Variants in PRPSAP2 observed in about 807,000 individuals in gnomAD.
The protein encoded by PRPSAP2 is phosphoribosyl pyrophosphate synthetase associated protein 2, also known as phosphoribosyl pyrophosphate synthase-associated protein 2.
PRPSAP2 carries 24 observed loss-of-function variants against 40.6 expected under a neutral mutation model. The observed-to-expected ratio is 0.59, with a 90% CI of 0.43 to 0.83. The LOEUF (loss-of-function observed/expected upper bound fraction) is 0.83. Among genes scored for constraint, PRPSAP2 ranks in the 40% least tolerant of loss-of-function variants. The probability of loss-of-function intolerance (pLI) is 0.00; values close to 1 mark genes in which losing one functional copy is unlikely to be tolerated. For synonymous variants in PRPSAP2, 149 were observed against 164.7 expected, an observed-to-expected ratio of 0.90 and a Z score of 0.73; for missense variants, 292 against 465.6, an observed-to-expected ratio of 0.63 and a Z score of 3.43.
chr17:18,874,168 T>C (rs889940513), intron 5 of PRPSAP2, among the ~76,000 whole-genome samples: 2 of 152,100 alleles, frequency 1.3e-5, no homozygotes, highest in Non-Finnish European at 2.9e-5. Flanking sequence ...ACCTCCTATA[T>C]TGCTGAGATT....
Position 18,911,029 on chromosome 17 carries a change from T to C in PRPSAP2, c.585-74T>C. 6.9e-7 allele frequency: 1 copy of C among 1,453,234 alleles called. No homozygotes were observed. The highest frequency in any genetic ancestry group is 9.2e-7 in the Non-Finnish European group (1 of 1,088,374). The allele number at this position is 1,453,234 out of a possible 1,614,324, so 90.0% of individuals were successfully genotyped here. A position where few individuals can be genotyped will look rare whatever the true frequency, so the allele number is the denominator to read the frequency against. ...CAACATTCTACTTATGTTCTCTTAA[T>C]GTTTTGTCCCCTAGGCATTAGCAGA... On this transcript the variant is annotated intron_variant, in intron 8 of 11. Transcript: ENST00000268835. The surrounding 1 kb of genome is among the most constrained non-coding windows in gnomAD (Gnocchi z 4.5).
chr17:18,871,532 A>G (rs1567676380), intron 4 of PRPSAP2, among the ~76,000 whole-genome samples: 1 of 152,132 alleles, frequency 6.6e-6, no homozygotes, highest in South Asian at 2.1e-4. Context: ...GACTGATCAC[A>G]CATATTTTGA....
intron 8 of PRPSAP2, among the ~76,000 whole-genome samples, chr17:18,895,666 C>T (rs2039870458): frequency 6.6e-6 from 1 of 151,844 alleles, no homozygotes; most frequent in South Asian, 2.1e-4. Context: ...TGCTCTGTTG[C>T]CCAGGCTGGA....
At chr17:18,913,332 C>T (rs2041077289) in intron 9 of PRPSAP2, among the ~76,000 whole-genome samples, 1 of 152,096 alleles carries the variant, frequency 6.6e-6, no homozygotes, top group African/African-American at 2.4e-5. Context: ...CTGTGCCTTC[C>T]AGAGGGGTGG....
chr17:18,870,736 G>A (rs911693290), intron 4 of PRPSAP2, among the ~76,000 whole-genome samples: 4 of 151,568 alleles, frequency 2.6e-5, no homozygotes, highest in Admixed American at 2.0e-4. Context: ...TTGAGTCCGG[G>A]AGGTGGAGGT....
intron 8 of PRPSAP2, among the ~76,000 whole-genome samples, chr17:18,907,347 G>A (rs2040659740): frequency 6.6e-6 from 1 of 152,106 alleles, no homozygotes; most frequent in African/African-American, 2.4e-5. Context: ...TTCTTCAAGA[G>A]GACAAAACAG....
At chr17:18,889,646 C>G (rs1039883790) in intron 7 of PRPSAP2, among the ~76,000 whole-genome samples, 176 bp from the exon 8 acceptor site, 10 of 152,184 alleles carry the variant, frequency 6.6e-5, no homozygotes, top group Admixed American at 6.5e-5. Flanking sequence ...CTGTGTGGCT[C>G]ACAAGTTAGT....
chr17:18,903,439 G>T (rs1339468696), intron 8 of PRPSAP2, among the ~76,000 whole-genome samples: 1 of 145,318 alleles, frequency 6.9e-6, no homozygotes, highest in Non-Finnish European at 1.5e-5. Flanking sequence ...GTGAGTTTAA[G>T]GTATTGTGAG....
chr17:18,908,640 C>T (rs1056454004), intron 8 of PRPSAP2: 25 of 719,488 alleles, frequency 3.5e-5, no homozygotes, highest in Non-Finnish European at 2.1e-5. Context: ...GGAACACCCA[C>T]GCCGACTTCG....
intron 6 of PRPSAP2, among the ~76,000 whole-genome samples, chr17:18,879,741 A>G (rs1158737213): frequency 6.7e-6 from 1 of 150,338 alleles, no homozygotes; most frequent in Non-Finnish European, 1.5e-5. Flanking sequence ...GGCGTGAGCC[A>G]CCACGCCCAG....
intron 5 of PRPSAP2, among the ~76,000 whole-genome samples, chr17:18,876,447 A>G (rs1199486656): frequency 6.6e-6 from 1 of 152,188 alleles, no homozygotes; most frequent in African/African-American, 2.4e-5. Flanking sequence ...AGTGACAGAG[A>G]ACCTACTCAC....
intron 9 of PRPSAP2, among the ~76,000 whole-genome samples, chr17:18,920,366 A>G (rs1010003804): frequency 6.6e-6 from 1 of 151,970 alleles, no homozygotes; most frequent in Admixed American, 6.6e-5. Context: ...GATGATCTCT[A>G]TGTTCTTTCT....
chr17:18,861,217 C>G (rs765438342), intron 1 of PRPSAP2, among the ~76,000 whole-genome samples: 13 of 152,150 alleles, frequency 8.5e-5, no homozygotes, highest in Non-Finnish European at 1.9e-4. Context: ...GTAATCCCAG[C>G]ACTTTAGGAG....
chr17:18,906,103 CT>C (rs1422082198), intron 8 of PRPSAP2, among the ~76,000 whole-genome samples: 2 of 152,190 alleles, frequency 1.3e-5, no homozygotes, highest in Admixed American at 1.3e-4. Flanking sequence ...CCTGAACAGT[CT>C]TGCTCCTGTG....
chr17:18,894,463 G>A (rs2039783943), intron 8 of PRPSAP2, among the ~76,000 whole-genome samples: 1 of 145,502 alleles, frequency 6.9e-6, no homozygotes, highest in African/African-American at 2.6e-5. Context: ...CCGGCCCTCT[G>A]TAGCTTTTCA....
chr17:18,927,771 G>A (rs1235453225), intron 10 of PRPSAP2, among the ~76,000 whole-genome samples: 11 of 150,464 alleles, frequency 7.3e-5, no homozygotes, highest in Admixed American at 1.3e-4. Flanking sequence ...TTAAAGTAGC[G>A]TGTGTGTGTG....
chr17:18,928,821 T>C lies in PRPSAP2; in HGVS notation c.815T>C (p.Ile272Thr). The C allele has an allele frequency of 1.2e-6, 2 of 1,613,850 alleles. No homozygotes were observed. The highest frequency in any genetic ancestry group is 1.7e-6 in the Non-Finnish European group (2 of 1,179,820). ...TCTGTGCTTTGGCAGGATGACATCA[T>C]TGATGATGTTGACAGCTTTCTTGCT... is the stretch of plus-strand genomic sequence containing the variant. ...GRIAIIVDDI[I>T]DDVDSFLAAA... The change falls in exon 11 of 12, where the codon ATT (isoleucine) becomes ACT (threonine). Residue 272 changes from isoleucine to threonine, a missense_variant. Coordinates refer to ENST00000268835, the MANE Select transcript of PRPSAP2 (RefSeq NM_002767.4).
intron 7 of PRPSAP2, 79 bp from the exon 8 acceptor site, chr17:18,889,743 C>G (rs1163830461): frequency 8.6e-7 from 1 of 1,167,480 alleles, no homozygotes; most frequent in East Asian, 2.7e-5. Context: ...AAACTTTCAA[C>G]TAGCCAAGCA....
intron 9 of PRPSAP2, among the ~76,000 whole-genome samples, chr17:18,918,950 T>C (rs141745054): frequency 6.6e-6 from 1 of 152,350 alleles, no homozygotes; most frequent in Non-Finnish European, 1.5e-5. Context: ...GCTTTTGTAA[T>C]GTGGCTACTA....
Sources: allele counts gnomAD v4.1 joint callset (sites outside exome capture counted in the v4.1 genomes callset), GRCh38; gene constraint gnomAD v4.1.1; non-coding constraint Gnocchi (gnomAD v3.1); transcripts MANE v1.5; gene names NCBI Gene and HGNC (gene_info 2026-07-23, HGNC 2026-07-21).